Variants in PARD3B observed in about 807,000 individuals in gnomAD.
PARD3B encodes the protein par-3 family cell polarity regulator beta.
In PARD3B, 103 loss-of-function variants were observed where a neutral mutation model predicts 130.2. The observed-to-expected ratio is 0.79, with a 90% CI of 0.67 to 0.93. PARD3B has a LOEUF of 0.93. Among genes scored for constraint, PARD3B ranks in the 40% least tolerant of loss-of-function variants. The pLI is 0.00. For missense variants in PARD3B, 1,609 were observed against 1,499.2 expected (o/e 1.07, Z -1.21); for synonymous variants, 583 against 553.2 (o/e 1.05, Z -0.76).
rs1348970799 is a variant in PARD3B, at chr2:205,563,491, A to G, written c.3260+10088A>G. On this transcript the variant is annotated intron_variant, in intron 22 of 22. Coordinates refer to ENST00000406610, the MANE Select transcript of PARD3B (RefSeq NM_001302769.2). The surrounding 1 kb of genome is among the most constrained non-coding windows in gnomAD (Gnocchi z 4.2). ...TGACCCCACATGACTAACATTGGCAAGTCAAGGAGAGGTTGGAATGCTTAC... is the reference window on the plus strand; with the variant it reads ...TGACCCCACATGACTAACATTGGCAGGTCAAGGAGAGGTTGGAATGCTTAC... Among the ~76,000 whole-genome samples, 3 of 152,194 alleles carry G rather than the reference A, an allele frequency of 2.0e-5. No individual in the cohort carries two copies. The highest frequency in any genetic ancestry group is 7.2e-5 in the African/African-American group (3 of 41,448).
At chr2:205,143,112 C>T (rs562872217) in intron 10 of PARD3B, among the ~76,000 whole-genome samples, 1 of 152,256 alleles carries the variant, frequency 6.6e-6, no homozygotes, top group East Asian at 1.9e-4. Context: ...AATTCCATTA[C>T]CCCTTCATTG....
intron 20 of PARD3B, among the ~76,000 whole-genome samples, chr2:205,449,166 CAAA>C (rs757916003): frequency 2.0e-5 from 1 of 50,242 alleles, no homozygotes. Flanking sequence ...AACTCCATCT[CAAA>C]AAAAAAAAAA....
chr2:205,453,938 A>G (rs912016667), intron 20 of PARD3B, among the ~76,000 whole-genome samples: 2 of 152,198 alleles, frequency 1.3e-5, no homozygotes, highest in African/African-American at 4.8e-5. Flanking sequence ...AAGCATGTGC[A>G]AATAGCATGC....
chr2:205,040,839 A>G (rs943055886), intron 3 of PARD3B, among the ~76,000 whole-genome samples: 1 of 151,814 alleles, frequency 6.6e-6, no homozygotes, highest in Admixed American at 6.6e-5. Flanking sequence ...CAAACTGTCC[A>G]ACTGTTTTGG....
At chr2:205,614,019 T>A (rs185300770) in intron 22 of PARD3B, among the ~76,000 whole-genome samples, 1 of 152,186 alleles carries the variant, frequency 6.6e-6, no homozygotes, top group South Asian at 2.1e-4. Context: ...TTTTCTTTTT[T>A]AAAAATTATA....
chr2:204,548,892 A>T (rs376801598), intron 1 of PARD3B, among the ~76,000 whole-genome samples: 6 of 152,212 alleles, frequency 3.9e-5, no homozygotes, highest in Non-Finnish European at 7.4e-5. Context: ...TGGTGGGAAC[A>T]TGAATGTAAA....
At position 205,287,471 on chromosome 2, in the gene PARD3B, C is replaced by A. The variant is rs1475522902; in HGVS notation, c.2186-13059C>A. Among the ~76,000 whole-genome samples the A allele has an allele frequency of 6.6e-6, 1 of 152,064 alleles. No homozygotes were observed. Among genetic ancestry groups the A allele is most frequent in the Non-Finnish European group, 1.5e-5 (1 of 68,014 alleles). ...GCCAGAAGCTCCAGGCTTAGATTCT[C>A]CCAGTAACCCCAGTAACAAAGACTG... On this transcript the variant is annotated intron_variant, in intron 16 of 22. Coordinates refer to ENST00000406610, the MANE Select transcript of PARD3B (RefSeq NM_001302769.2). The surrounding 1 kb of genome is among the most constrained non-coding windows in gnomAD (Gnocchi z 4.8).
At position 205,301,472 on chromosome 2, in the gene PARD3B, T is replaced by A. The variant is rs2041994961; in HGVS notation, c.2401T>A (p.Ser801Thr). The A allele has an allele frequency of 6.8e-6, 11 of 1,611,426 alleles. No homozygotes were observed. The highest frequency in any genetic ancestry group is 9.3e-6 in the Non-Finnish European group (11 of 1,179,256). ...ATTTTTTCTCTGTACAGACGGTCTG[T>A]CTGATAAGAGCTCTCACTCTGGCCA... ...GPEEIEADGL[S>T]DKSSHSGQGA... Residue 801 changes from serine to threonine, a missense_variant, in exon 18 of 23, where the codon TCT (serine) becomes ACT (threonine). Coordinates refer to ENST00000406610, the MANE Select transcript of PARD3B (RefSeq NM_001302769.2). The surrounding 1 kb of genome is among the most constrained non-coding windows in gnomAD (Gnocchi z 5.2).
At chr2:204,972,618 T>G (rs1262471964) in intron 3 of PARD3B, among the ~76,000 whole-genome samples, 1 of 152,208 alleles carries the variant, frequency 6.6e-6, no homozygotes, top group East Asian at 1.9e-4. Context: ...GGAATTTACA[T>G]GTAACCATTT....
intron 20 of PARD3B, among the ~76,000 whole-genome samples, chr2:205,441,795 T>A (rs2047724942): frequency 6.6e-6 from 1 of 152,188 alleles, no homozygotes; most frequent in African/African-American, 2.4e-5. Context: ...GCCTTTCCAA[T>A]AACCAAGTGG....
intron 21 of PARD3B, among the ~76,000 whole-genome samples, chr2:205,502,261 T>A: frequency 6.6e-6 from 1 of 152,136 alleles, no homozygotes; most frequent in East Asian, 1.9e-4. Context: ...TAACATTTCA[T>A]TCCTGTCAAG....
intron 2 of PARD3B, among the ~76,000 whole-genome samples, chr2:204,901,030 C>T (rs546677093): frequency 6.1e-4 from 93 of 152,148 alleles, no homozygotes; most frequent in African/African-American, 2.1e-3. Flanking sequence ...GACACAAGGA[C>T]CCTTGTGGCC....
chr2:205,063,647 C>A (rs1000563709), intron 4 of PARD3B, among the ~76,000 whole-genome samples: 5 of 152,104 alleles, frequency 3.3e-5, no homozygotes, highest in Admixed American at 3.3e-4. Flanking sequence ...CCTCTTAACA[C>A]CCCCATGAGG....
At chr2:205,332,824 A>C (rs745378847) in intron 18 of PARD3B, among the ~76,000 whole-genome samples, 1 of 152,164 alleles carries the variant, frequency 6.6e-6, no homozygotes, top group Non-Finnish European at 1.5e-5. Flanking sequence ...GGGAATTGAT[A>C]CTATGTTTGT....
chr2:205,112,208 A>G (rs1395771756), intron 5 of PARD3B, among the ~76,000 whole-genome samples: 1 of 152,120 alleles, frequency 6.6e-6, no homozygotes, highest in Non-Finnish European at 1.5e-5. Context: ...CTTGAAATTT[A>G]TTACCAGATT....
intron 10 of PARD3B, among the ~76,000 whole-genome samples, chr2:205,156,829 T>A (rs939523425): frequency 3.3e-5 from 5 of 152,144 alleles, no homozygotes; most frequent in African/African-American, 1.2e-4. Flanking sequence ...TTAAAAAAAA[T>A]TTTCAAAAGA....
intron 3 of PARD3B, among the ~76,000 whole-genome samples, chr2:205,019,011 C>T (rs1418011066): frequency 4.6e-5 from 7 of 152,100 alleles, no homozygotes; most frequent in Non-Finnish European, 1.5e-5. Context: ...TGTTCACCTA[C>T]TTAAGGTATA....
intron 2 of PARD3B, among the ~76,000 whole-genome samples, chr2:204,755,077 C>A (rs757045380): frequency 9.9e-5 from 15 of 152,014 alleles, no homozygotes; most frequent in Non-Finnish European, 1.8e-4. Flanking sequence ...AAAAAATGGA[C>A]TGATTTCTCA....
intron 18 of PARD3B, among the ~76,000 whole-genome samples, chr2:205,380,549 AAT>A (rs2045325396): frequency 0.11 from 3 of 28 alleles, no homozygotes; most frequent in Non-Finnish European, 0.25. Flanking sequence ...ATATATAAAG[AAT>A]ATATATTATA....
Sources: allele counts gnomAD v4.1 joint callset (sites outside exome capture counted in the v4.1 genomes callset), GRCh38; gene constraint gnomAD v4.1.1; non-coding constraint Gnocchi (gnomAD v3.1); transcripts MANE v1.5; gene names NCBI Gene and HGNC (gene_info 2026-07-23, HGNC 2026-07-21).